The following YEATS4 variants were observed in gnomAD, a reference collection of about 807,000 sequenced individuals.
The protein encoded by YEATS4 is YEATS domain-containing protein 4.
YEATS4 carries 17 observed loss-of-function variants against 30.1 expected under a neutral mutation model. That is an observed-to-expected ratio of 0.56 (90% CI 0.39 to 0.85). The LOEUF (loss-of-function observed/expected upper bound fraction) is 0.85, where lower values mean the gene tolerates loss of function less well. Ranked by LOEUF, YEATS4 falls within the 40% of genes least tolerant of loss-of-function variation. The pLI is 0.00. For synonymous variants in YEATS4, 85 were observed against 87.5 expected, an observed-to-expected ratio of 0.97 and a Z score of 0.16; for missense variants, 142 against 268.3, an observed-to-expected ratio of 0.53 and a Z score of 3.29.
chr12:69,412,360 G>A, the YEATS4 span, among the ~76,000 whole-genome samples: 3 of 152,004 alleles, frequency 2.0e-5, no homozygotes, highest in African/African-American at 4.8e-5. Flanking sequence ...CCCATTTAAA[G>A]GTGAGGCAAG....
At chr12:69,391,207 T>C (rs1199409324), downstream of YEATS4, among the ~76,000 whole-genome samples, 2 of 152,016 alleles carry the variant, frequency 1.3e-5, no homozygotes, top group Non-Finnish European at 2.9e-5. Context: ...GGCAGGAGAA[T>C]TGCTTGAACC....
chr12:69,375,722 G>A (rs575336222), intron 6 of YEATS4, among the ~76,000 whole-genome samples: 16 of 152,296 alleles, frequency 1.1e-4, no homozygotes, highest in African/African-American at 3.6e-4. Context: ...CCAACACGGC[G>A]AAACCCCGTC....
chr12:69,371,435 T>C (rs1366052347), intron 6 of YEATS4, among the ~76,000 whole-genome samples: 1 of 152,252 alleles, frequency 6.6e-6, no homozygotes, highest in Non-Finnish European at 1.5e-5. Context: ...GAATGCCACA[T>C]TGATAATCGG....
intron 6 of YEATS4, 82 bp from the exon 7 acceptor site, chr12:69,390,065 A>C: frequency 8.9e-7 from 1 of 1,118,208 alleles, no homozygotes; most frequent in Non-Finnish European, 1.2e-6. Context: ...CATTGTCGTC[A>C]GGAAATGCCA....
the YEATS4 span, among the ~76,000 whole-genome samples, chr12:69,405,520 ATAT>A: frequency 6.6e-6 from 1 of 152,186 alleles, no homozygotes; most frequent in Non-Finnish European, 1.5e-5. Flanking sequence ...TCTCTTTGGC[ATAT>A]TCAAATTGCC....
chr12:69,387,794 T>C (rs1382472452), intron 6 of YEATS4, among the ~76,000 whole-genome samples: 6 of 152,206 alleles, frequency 3.9e-5, no homozygotes, highest in Non-Finnish European at 7.3e-5. Context: ...ACAGTGATTA[T>C]CTCTGGGAAG....
chr12:69,367,472 G>A (rs1875480332), intron 4 of YEATS4, among the ~76,000 whole-genome samples: 1 of 151,940 alleles, frequency 6.6e-6, no homozygotes. Context: ...GCCTCAAACA[G>A]TCCTCTGCCT....
chr12:69,407,386 T>C, the YEATS4 span, among the ~76,000 whole-genome samples: 6,425 of 152,254 alleles, frequency 0.042, 191 homozygotes, highest in Non-Finnish European at 0.066. Flanking sequence ...TACATATTAA[T>C]TAATTTAATA....
At chr12:69,367,924 T>TA (rs1175802979) in intron 4 of YEATS4, among the ~76,000 whole-genome samples, 1 of 152,182 alleles carries the variant, frequency 6.6e-6, no homozygotes, top group Non-Finnish European at 1.5e-5. Context: ...CCTCATCTGT[T>TA]ACCCCTTATC....
In YEATS4 at chr12:69,362,015, T is replaced by TTTTGTTTTTTTTTG. The variant is rs1555174244; in HGVS notation, c.52-770_52-769insGTTTTTTTTTGTTT. Reference sequence around the variant, plus strand: ...TTTAAATTGTAGGGTGTTTGGTTGTTTTTTTTTTTTTTTTTTTTTGGAGAC... The same window carrying TTTTGTTTTTTTTTG: ...TTTAAATTGTAGGGTGTTTGGTTGTTTTTGTTTTTTTTTGTTTTTTTTTTTTTTTTTTTGGAGAC... On this transcript the variant is annotated intron_variant, in intron 1 of 6. Coordinates refer to ENST00000247843, the MANE Select transcript of YEATS4 (RefSeq NM_006530.4). 4.4e-4 allele frequency among the ~76,000 whole-genome samples: 49 copies of TTTTGTTTTTTTTTG among 111,726 alleles called. 3 individuals carry two copies. The highest frequency in any genetic ancestry group is 8.9e-4 in the South Asian group (3 of 3,384). The allele number at this position is 111,726 out of a possible 152,430, so 73.3% of individuals were successfully genotyped here.
At chr12:69,376,827 G>A (rs1875892620) in intron 6 of YEATS4, among the ~76,000 whole-genome samples, 1 of 152,168 alleles carries the variant, frequency 6.6e-6, no homozygotes, top group Non-Finnish European at 1.5e-5. Flanking sequence ...AAGCCATTGG[G>A]TCCTGGGCTT....
chr12:69,374,794 A>T (rs931989013), intron 6 of YEATS4, among the ~76,000 whole-genome samples: 4 of 152,178 alleles, frequency 2.6e-5, no homozygotes, highest in Non-Finnish European at 5.9e-5. Context: ...ACACAGACAC[A>T]GTAACAATCT....
the YEATS4 span, among the ~76,000 whole-genome samples, chr12:69,414,081 C>T: frequency 1.3e-5 from 2 of 152,140 alleles, no homozygotes; most frequent in Non-Finnish European, 2.9e-5. Context: ...AATTTACATG[C>T]TATTGCTCAT....
At chr12:69,406,325 A>C in the YEATS4 span, among the ~76,000 whole-genome samples, 7 of 152,226 alleles carry the variant, frequency 4.6e-5, no homozygotes, top group East Asian at 9.6e-4. Flanking sequence ...AATTTTGTTT[A>C]AGTATTTTGT....
At chr12:69,360,103 G>A in intron 1 of YEATS4, 80 bp downstream of exon 1, 1 of 1,503,050 alleles carries the variant, frequency 6.7e-7, no homozygotes, top group Non-Finnish European at 9.1e-7. Context: ...AGGGCCCACT[G>A]GGTTTCCTTT....
intron 6 of YEATS4, among the ~76,000 whole-genome samples, chr12:69,377,603 TC>T (rs1875919714): frequency 2.0e-5 from 3 of 152,230 alleles, no homozygotes; most frequent in African/African-American, 7.2e-5. Flanking sequence ...CACTGGTCAT[TC>T]AGAAGCATAT....
chr12:69,364,307 TA>T (rs1449010025), intron 2 of YEATS4: 2 of 271,946 alleles, frequency 7.4e-6, no homozygotes, highest in East Asian at 2.5e-4. Context: ...AAGGTATCAT[TA>T]TAGTAAGATT....
chr12:69,386,139 C>A (rs1032141458), intron 6 of YEATS4, among the ~76,000 whole-genome samples: 1 of 152,152 alleles, frequency 6.6e-6, no homozygotes, highest in African/African-American at 2.4e-5. Context: ...AACACTGGAA[C>A]AAGCTAAAAG....
the YEATS4 span, among the ~76,000 whole-genome samples, chr12:69,411,225 G>A: frequency 1.3e-5 from 2 of 152,156 alleles, no homozygotes; most frequent in Admixed American, 1.3e-4. Context: ...GACCTCTCTG[G>A]CTCAGGTGAT....
Sources: gnomAD v4.1 joint callset for allele counts (sites outside exome capture counted in the v4.1 genomes callset) on GRCh38, gnomAD v4.1.1 for gene constraint, MANE v1.5 for transcripts, NCBI Gene and HGNC (gene_info 2026-07-23, HGNC 2026-07-21) for gene names.